KLF12: variants seen among roughly 807,000 people sequenced by gnomAD.
The protein encoded by KLF12 is Krueppel-like factor 12.
In KLF12, 9 loss-of-function variants were observed where a neutral mutation model predicts 37.8. That is an observed-to-expected ratio of 0.24 (90% CI 0.14 to 0.42). The LOEUF is 0.42. KLF12 is among the 10% of genes least tolerant of loss of function. KLF12 has a pLI of 1.00. For synonymous variants in KLF12, 208 were observed against 202.1 expected, an observed-to-expected ratio of 1.03 and a Z score of -0.25; for missense variants, 411 against 516.0, an observed-to-expected ratio of 0.80 and a Z score of 1.97.
At chr13:73,919,882 C>A (rs1021127533) in intron 3 of KLF12, among the ~76,000 whole-genome samples, 2 of 152,152 alleles carry the variant, frequency 1.3e-5, no homozygotes, top group Non-Finnish European at 2.9e-5. Context: ...TGAGAAATAT[C>A]GAAGCTTATT....
At chr13:73,823,898 C>T (rs550867998) in intron 4 of KLF12, among the ~76,000 whole-genome samples, 30 of 152,088 alleles carry the variant, frequency 2.0e-4, no homozygotes, top group Admixed American at 8.5e-4. Flanking sequence ...TTAGTAGAGA[C>T]AGGGTTTCAT....
chr13:73,772,147 A>C (rs1300847083), intron 5 of KLF12, among the ~76,000 whole-genome samples: 3 of 103,310 alleles, frequency 2.9e-5, no homozygotes, highest in Non-Finnish European at 7.7e-5. Context: ...CCATATATAC[A>C]ACCTGTCTAT....
intron 6 of KLF12, among the ~76,000 whole-genome samples, chr13:73,756,404 A>C (rs1879170799): frequency 6.6e-6 from 1 of 152,112 alleles, no homozygotes; most frequent in South Asian, 2.1e-4. Context: ...GATTAAGATC[A>C]ACACTCTTAG....
chr13:74,146,036 G>T, the KLF12 span, among the ~76,000 whole-genome samples: 3 of 152,072 alleles, frequency 2.0e-5, no homozygotes, highest in African/African-American at 7.2e-5. Context: ...TAATTACCTT[G>T]GAATTTTGTC....
the KLF12 span, among the ~76,000 whole-genome samples, chr13:74,142,514 G>T: frequency 2.6e-5 from 4 of 152,182 alleles, no homozygotes; most frequent in Non-Finnish European, 5.9e-5. Flanking sequence ...TCTTTACAAG[G>T]ATGTGAACAA....
chr13:73,829,330 G>C (rs1472133064), intron 4 of KLF12, among the ~76,000 whole-genome samples: 1 of 152,176 alleles, frequency 6.6e-6, no homozygotes. Context: ...AGTTTTGACA[G>C]ATGAGTCAGA....
At chr13:74,292,785 A>T in the KLF12 span, among the ~76,000 whole-genome samples, 1 of 151,976 alleles carries the variant, frequency 6.6e-6, no homozygotes, top group South Asian at 2.1e-4. Flanking sequence ...TTCCCATAAC[A>T]CCATGTTATG....
the KLF12 span, among the ~76,000 whole-genome samples, chr13:74,286,600 A>C: frequency 6.6e-6 from 1 of 152,164 alleles, no homozygotes; most frequent in Non-Finnish European, 1.5e-5. Flanking sequence ...TGGGTTTGTT[A>C]AAAAATTGTT....
In KLF12 at chr13:74,096,014, A is replaced by G. The variant is rs149064411; in HGVS notation, c.-32+37725T>C. Among the ~76,000 whole-genome samples the G allele has an allele frequency of 3.0e-3, 460 of 152,272 alleles. 1 individual carries two copies. The highest frequency in any genetic ancestry group is 0.011 in the African/African-American group (444 of 41,558). On this transcript the variant is annotated intron_variant, in intron 1 of 7. Transcript: ENST00000377669. ...TCCACCTAGATCCCCACCATTTTCC[A>G]TCATTTCATAAGTTAGCTGGTTTGG...
chr13:73,971,980 C>T (rs1166674062), intron 2 of KLF12, among the ~76,000 whole-genome samples: 1 of 152,174 alleles, frequency 6.6e-6, no homozygotes, highest in Non-Finnish European at 1.5e-5. Context: ...CAATTACACT[C>T]ATCAAATCAG....
intron 2 of KLF12, among the ~76,000 whole-genome samples, chr13:73,993,188 C>A (rs187545576): frequency 6.6e-6 from 1 of 152,220 alleles, no homozygotes; most frequent in Non-Finnish European, 1.5e-5. Context: ...GCCGAGATCG[C>A]GCCACTGCAT....
the KLF12 span, among the ~76,000 whole-genome samples, chr13:74,288,586 GA>G: frequency 1.3e-5 from 2 of 152,154 alleles, no homozygotes; most frequent in Non-Finnish European, 2.9e-5. Context: ...GGTAGGGCAG[GA>G]AACAGTCTGA....
chr13:73,852,857 GCTTTTACATTTATGT>G (rs1442752091), intron 3 of KLF12, among the ~76,000 whole-genome samples: 1 of 151,018 alleles, frequency 6.6e-6, no homozygotes, highest in Non-Finnish European at 1.5e-5. Context: ...TACTCTCTGT[GCTTTTACATTTATGT>G]TTTTTTTTTT....
At chr13:74,145,078 A>C in the KLF12 span, among the ~76,000 whole-genome samples, 10 of 152,168 alleles carry the variant, frequency 6.6e-5, no homozygotes, top group Admixed American at 6.5e-4. Context: ...CACTATTGCA[A>C]TGAAAAAAAT....
chr13:74,214,802 A>ATT, the KLF12 span, among the ~76,000 whole-genome samples: 3 of 148,736 alleles, frequency 2.0e-5, no homozygotes, highest in East Asian at 2.0e-4. Flanking sequence ...TCCTTTAACC[A>ATT]TTTTTTTTTT....
chr13:74,161,376 C>T, the KLF12 span, among the ~76,000 whole-genome samples: 4 of 151,902 alleles, frequency 2.6e-5, no homozygotes, highest in Non-Finnish European at 5.9e-5. Flanking sequence ...AAATTTAAAG[C>T]CTGGTGCCTT....
intron 3 of KLF12, among the ~76,000 whole-genome samples, chr13:73,931,795 C>T (rs554075437): frequency 1.4e-5 from 2 of 143,432 alleles, no homozygotes; most frequent in African/African-American, 5.1e-5. Context: ...ATAGAAAATG[C>T]TTCACCTCAA....
intron 7 of KLF12, among the ~76,000 whole-genome samples, chr13:73,707,410 T>C (rs1374572805): frequency 1.3e-5 from 2 of 152,198 alleles, no homozygotes; most frequent in South Asian, 4.1e-4. Flanking sequence ...ACTTCAAGTT[T>C]GGTGATATTT....
intron 1 of KLF12, among the ~76,000 whole-genome samples, chr13:74,076,866 A>G (rs1009799409): frequency 6.6e-6 from 1 of 152,010 alleles, no homozygotes; most frequent in Non-Finnish European, 1.5e-5. Context: ...TTCATCATTT[A>G]GCTCCCACTT....
Sources: allele counts gnomAD v4.1 joint callset (sites outside exome capture counted in the v4.1 genomes callset), GRCh38; gene constraint gnomAD v4.1.1; transcripts MANE v1.5; gene names NCBI Gene and HGNC (gene_info 2026-07-23, HGNC 2026-07-21).